Variants in MANBAL observed in about 807,000 individuals in gnomAD.
MANBAL encodes the protein protein MANBAL.
A neutral mutation model predicts 6.4 loss-of-function variants in MANBAL; 1 was observed. The observed-to-expected ratio is 0.16, with a 90% CI of 0.06 to 0.74. The LOEUF is 0.74. MANBAL is among the 30% of genes least tolerant of loss of function. The pLI is 0.78. For synonymous variants in MANBAL, 47 were observed against 45.8 expected, an observed-to-expected ratio of 1.03 and a Z score of -0.10; for missense variants, 100 against 107.8, an observed-to-expected ratio of 0.93 and a Z score of 0.32.
rs2092464 is a variant in MANBAL, at chr20:37,313,288, A to G, written c.151-3020A>G. On this transcript the variant is annotated intron_variant, in intron 2 of 2. Transcript: ENST00000373606. ...CGGGAGGCTGAGGCAGGAGAATGGC[A>G]TGAACCCAGGAGGCGGAACTTGCAA... Among the ~76,000 whole-genome samples, 1,130 of 150,342 alleles carry G rather than the reference A, an allele frequency of 7.5e-3. 16 individuals are homozygous for G. Among genetic ancestry groups the G allele is most frequent in the African/African-American group, 0.025 (1,023 of 40,872 alleles).
In MANBAL at chr20:37,316,490, TC is replaced by T; in HGVS notation, c.*80del. ...GCCCTCCTGGGAATCTACATTGTGTTCCCCCGCATTCCAGGCTCAGGGTCTG... is the reference window on the plus strand; with the variant it reads ...GCCCTCCTGGGAATCTACATTGTGTTCCCCGCATTCCAGGCTCAGGGTCTG... On this transcript the variant is annotated 3_prime_UTR_variant, in exon 3 of 3. Coordinates refer to ENST00000373606, the MANE Select transcript of MANBAL (RefSeq NM_001003897.2). The T allele has an allele frequency of 1.5e-6, 2 of 1,308,742 alleles. No homozygotes were observed. Among genetic ancestry groups the T allele is most frequent in the East Asian group, 2.4e-5 (1 of 41,290 alleles). 81.1% of individuals were successfully genotyped at this position (1,308,742 alleles called of 1,614,324 possible).
At chr20:37,296,168 CAT>C (rs1432292603) in intron 1 of MANBAL, among the ~76,000 whole-genome samples, 1 of 152,202 alleles carries the variant, frequency 6.6e-6, no homozygotes, top group Non-Finnish European at 1.5e-5. Flanking sequence ...TCAACAGCCA[CAT>C]GTGGCTGGTG....
chr20:37,301,715 A>C (rs2069141664), intron 2 of MANBAL, among the ~76,000 whole-genome samples: 1 of 152,246 alleles, frequency 6.6e-6, no homozygotes, highest in African/African-American at 2.4e-5. Flanking sequence ...ACATACCTCC[A>C]TGTGCTCCCA....
chr20:37,296,368 C>G (rs2068997604), intron 1 of MANBAL, among the ~76,000 whole-genome samples: 1 of 152,208 alleles, frequency 6.6e-6, no homozygotes, highest in South Asian at 2.1e-4. Flanking sequence ...ACCTTAACAG[C>G]AACTATTTAT....
chr20:37,297,984 C>G (rs1274887720), intron 1 of MANBAL, among the ~76,000 whole-genome samples: 1 of 152,110 alleles, frequency 6.6e-6, no homozygotes, highest in African/African-American at 2.4e-5. Context: ...AGGGCTTCCC[C>G]ACAGAAATAT....
rs1169079158 is a variant in MANBAL at position 37,290,701 on chromosome 20, C to T, written c.-57+1015C>T. Among the ~76,000 whole-genome samples, 4 of 152,328 alleles carry T rather than the reference C, an allele frequency of 2.6e-5. No homozygotes were observed. In the East Asian group the frequency reaches 7.7e-4, roughly 29 times the overall value. ...CTCAAACTCCCGACCTCAGGTGATCCACCCGCCTCGGCCTCCCAGAGTGTT... is the reference window on the plus strand; with the variant it reads ...CTCAAACTCCCGACCTCAGGTGATCTACCCGCCTCGGCCTCCCAGAGTGTT... On this transcript the variant is annotated intron_variant, in intron 1 of 2. Transcript: ENST00000373606.
At position 37,294,726 on chromosome 20, in the gene MANBAL, C is replaced by G. The variant is rs1013052219; in HGVS notation, c.-57+5040C>G. 7.2e-5 allele frequency among the ~76,000 whole-genome samples: 11 copies of G among 152,224 alleles called. 1 individual carries two copies. Among genetic ancestry groups the G allele is most frequent in the Admixed American group, 2.0e-4 (3 of 15,280 alleles). Reference sequence around the variant, plus strand: ...ACCTCATATTAAATAGTACTATCCTCTTCTTCCTTCCTGTATGTATTGTAA... The same window carrying G: ...ACCTCATATTAAATAGTACTATCCTGTTCTTCCTTCCTGTATGTATTGTAA... On this transcript the variant is annotated intron_variant, in intron 1 of 2. Transcript: ENST00000373606.
Position 37,311,030 on chromosome 20 carries a change from G to A in MANBAL, c.151-5278G>A, listed in dbSNP as rs535646325. 2.6e-4 allele frequency among the ~76,000 whole-genome samples: 40 copies of A among 152,330 alleles called. 1 individual carries two copies. The highest frequency in any genetic ancestry group is 2.6e-4 in the Admixed American group (4 of 15,306). On this transcript the variant is annotated intron_variant, in intron 2 of 2. Transcript: ENST00000373606. ...GGCCCAGGTCATGTGGGTCACGGCC[G>A]CCTTTGCTTCCCTGCAGCTTGCATG...
At chr20:37,295,593 C>T (rs1342055102) in intron 1 of MANBAL, among the ~76,000 whole-genome samples, 3 of 152,178 alleles carry the variant, frequency 2.0e-5, no homozygotes, top group East Asian at 3.9e-4. Flanking sequence ...ACTGGGTAAG[C>T]GCCCTGACTC....
At chr20:37,293,145 T>G (rs1414350331) in intron 1 of MANBAL, among the ~76,000 whole-genome samples, 1 of 152,154 alleles carries the variant, frequency 6.6e-6, no homozygotes, top group Non-Finnish European at 1.5e-5. Context: ...TCCACAGACC[T>G]GGGGGTGGGG....
At chr20:37,289,979 C>T (rs2068827560) in intron 1 of MANBAL, among the ~76,000 whole-genome samples, 1 of 152,230 alleles carries the variant, frequency 6.6e-6, no homozygotes, top group Admixed American at 6.5e-5. Context: ...TTTCCTCCCA[C>T]GGGTGGAGCA....
intron 2 of MANBAL, among the ~76,000 whole-genome samples, chr20:37,315,356 C>T (rs1373884034): frequency 6.6e-6 from 1 of 152,154 alleles, no homozygotes; most frequent in Non-Finnish European, 1.5e-5. Flanking sequence ...CCTTTCTGGC[C>T]ACGGCACACT....
rs1420121352 is a variant in MANBAL, at chr20:37,316,344, A to G, written c.187A>G (p.Thr63Ala). ...GTCTGAGCCCAGAAGTGCTGAGGTG[A>G]CGAGGAAGCCCAAGGCTGCTGTTCC... The part of the protein sequence containing the change: ...EPSEPRSAEV[T>A]RKPKAAVPSV... The change falls in exon 3 of 3, where the codon ACG becomes GCG. Residue 63 changes from threonine (T) to alanine (A), a missense_variant. By Grantham distance (58) the Thr-to-Ala change is moderately conservative. Transcript: ENST00000373606. 1 of 1,613,780 alleles carries G rather than the reference A, an allele frequency of 6.2e-7. No individual in the cohort carries two copies. Among genetic ancestry groups the G allele is most frequent in the Non-Finnish European group, 8.5e-7 (1 of 1,179,906 alleles).
At chr20:37,315,659 C>T (rs552414616) in intron 2 of MANBAL, among the ~76,000 whole-genome samples, 13 of 152,340 alleles carry the variant, frequency 8.5e-5, no homozygotes, top group African/African-American at 2.2e-4. Flanking sequence ...AATTCTGCCC[C>T]GAGGCTGCCT....
intron 1 of MANBAL, among the ~76,000 whole-genome samples, chr20:37,300,044 C>G (rs184343081): frequency 6.6e-6 from 1 of 152,280 alleles, no homozygotes; most frequent in African/African-American, 2.4e-5. Context: ...GCAGGGGCCT[C>G]CTCCTGGCTC....
Position 37,292,721 on chromosome 20 carries a change from C to T in MANBAL, c.-57+3035C>T, listed in dbSNP as rs1323690313. 3.3e-5 allele frequency among the ~76,000 whole-genome samples: 5 copies of T among 152,328 alleles called. No individual in the cohort carries two copies. The East Asian group carries it at 5.8e-4, about 18-fold the overall frequency. On this transcript the variant is annotated intron_variant, in intron 1 of 2. Transcript: ENST00000373606. ...CCATTGGGAGCTCTTCCACTTGGCTCCTGTATCCCTTTGACATATCCCCCT... is the reference window on the plus strand; with the variant it reads ...CCATTGGGAGCTCTTCCACTTGGCTTCTGTATCCCTTTGACATATCCCCCT...
intron 2 of MANBAL, among the ~76,000 whole-genome samples, chr20:37,310,204 T>G (rs984891258): frequency 2.6e-5 from 4 of 152,220 alleles, no homozygotes; most frequent in African/African-American, 7.2e-5. Context: ...TCCGTTTGCC[T>G]TGTTGAGTCC....
intron 2 of MANBAL, among the ~76,000 whole-genome samples, chr20:37,304,353 A>G (rs2069208646): frequency 6.6e-6 from 1 of 152,242 alleles, no homozygotes; most frequent in South Asian, 2.1e-4. Flanking sequence ...AGTCAAAACT[A>G]TATAACAAGG....
Position 37,316,477 on chromosome 20 carries a change from A to G in MANBAL, c.*62A>G. On this transcript the variant is annotated 3_prime_UTR_variant, in exon 3 of 3. Coordinates refer to ENST00000373606, the MANE Select transcript of MANBAL (RefSeq NM_001003897.2). ...GGTCTTGGGGACAGCCCTCCTGGGA[A>G]TCTACATTGTGTTCCCCCGCATTCC... The G allele has an allele frequency of 3.5e-6, 5 of 1,439,590 alleles. No individual in the cohort carries two copies. Among genetic ancestry groups the G allele is most frequent in the South Asian group, 2.4e-5 (2 of 83,710 alleles). The allele number at this position is 1,439,590 out of a possible 1,614,324, so 89.2% of individuals were successfully genotyped here. A position where few individuals can be genotyped will look rare whatever the true frequency, so the allele number is the denominator to read the frequency against.
Sources: gnomAD v4.1 joint callset for allele counts (sites outside exome capture counted in the v4.1 genomes callset) on GRCh38, gnomAD v4.1.1 for gene constraint, MANE v1.5 for transcripts, NCBI Gene and HGNC (gene_info 2026-07-23, HGNC 2026-07-21) for gene names.